The following FUZ variants were observed in gnomAD, a reference collection of about 807,000 sequenced individuals.
The protein encoded by FUZ is protein fuzzy homolog.
FUZ carries 31 observed loss-of-function variants against 43.1 expected under a neutral mutation model. The ratio of observed to expected loss-of-function variants is 0.72; its 90% confidence interval spans 0.54 to 0.97. The LOEUF (loss-of-function observed/expected upper bound fraction) is 0.97. Ranked by LOEUF, FUZ falls within the 50% of genes least tolerant of loss-of-function variation. FUZ has a pLI of 0.00. For missense variants in FUZ, 539 were observed against 543.8 expected, an observed-to-expected ratio of 0.99 and a Z score of 0.09; for synonymous variants, 274 against 250.0, an observed-to-expected ratio of 1.10 and a Z score of -0.91.
rs760459608 is a variant in FUZ at position 49,808,583 on chromosome 19, C to T, written c.949G>A (p.Gly317Arg). The change falls in exon 9 of 11, where the codon GGG (glycine) becomes AGG (arginine). Residue 317 changes from glycine (G) to arginine (R), a missense_variant. Gly to Arg is a moderately radical substitution (Grantham distance 125). Transcript: ENST00000313777. ...KRCLFTVEPL[G>R]DKEPSPEQRR... ...CCCTGTCCTCAGTCACCTTTATCCC[C>T]CAAGGGCTCCACGGTGAAGAGGCAG... 3.1e-6 allele frequency: 5 copies of T among 1,610,402 alleles called. No individual in the cohort carries two copies. Among genetic ancestry groups the T allele is most frequent in the Non-Finnish European group, 4.2e-6 (5 of 1,178,426 alleles).
In FUZ at chr19:49,809,499, G is replaced by T. The variant is rs778784944; in HGVS notation, c.569C>A (p.Ala190Glu). ...CCCCAGCCGCCACCAACCCTCTGTT[G>T]CTGCCACCACCCGGCCGGACACCAC... ...SLVVSGRVVA[A>E]TEGWWRLGTP... Residue 190 changes from alanine to glutamate, a missense_variant, in exon 6 of 11, where the codon GCA becomes GAA. Physicochemically the swap from Ala to Glu is moderately radical, Grantham distance 107. Coordinates refer to ENST00000313777, the MANE Select transcript of FUZ (RefSeq NM_025129.5). The surrounding 1 kb of genome is among the most constrained non-coding windows in gnomAD (Gnocchi z 5.1). The T allele has an allele frequency of 6.3e-7, 1 of 1,593,444 alleles. No homozygotes were observed. Among genetic ancestry groups the T allele is most frequent in the Non-Finnish European group, 8.5e-7 (1 of 1,173,792 alleles).
Position 49,809,583 on chromosome 19 carries a change from C to T in FUZ, c.493-8G>A, listed in dbSNP as rs1403023949. The stretch of plus-strand genomic sequence containing the variant: ...GAACCCGGAGAGGGCTTCCTGGGTA[C>T]GGGAGGCAGGAGGACTGGGAGTCAG... On this transcript the variant is annotated splice_polypyrimidine_tract_variant and splice_region_variant and intron_variant, in intron 5 of 10. Coordinates refer to ENST00000313777, the MANE Select transcript of FUZ (RefSeq NM_025129.5). The surrounding 1 kb of genome is among the most constrained non-coding windows in gnomAD (Gnocchi z 5.1). 3.2e-6 allele frequency: 5 copies of T among 1,586,660 alleles called. No individual in the cohort carries two copies. The highest frequency in any genetic ancestry group is 2.7e-5 in the African/African-American group (2 of 74,610).
Position 49,812,979 on chromosome 19 carries a change from G to A in FUZ, c.111+17C>T. 1 of 1,545,006 alleles carries A rather than the reference G, an allele frequency of 6.5e-7. No individual in the cohort carries two copies. The highest frequency in any genetic ancestry group is 8.8e-7 in the Non-Finnish European group (1 of 1,141,512). On this transcript the variant is annotated intron_variant, in intron 1 of 10. Transcript: ENST00000313777. ...CCGAACCCCCTTCGGTTTAGATACAGGCGTCCAAGGCCCCACCTGCTGACG... is the reference window on the plus strand; with the variant it reads ...CCGAACCCCCTTCGGTTTAGATACAAGCGTCCAAGGCCCCACCTGCTGACG...
At chr19:49,812,555 C>G in intron 2 of FUZ, 60 bp downstream of exon 2, 1 of 1,611,496 alleles carries the variant, frequency 6.2e-7, no homozygotes, top group Non-Finnish European at 8.5e-7. Flanking sequence ...CCTCCGGGGT[C>G]ATCTTCAACA....
chr19:49,812,967 G>C, intron 1 of FUZ, 29 bp downstream of exon 1: 1 of 1,534,244 alleles, frequency 6.5e-7, no homozygotes, highest in Non-Finnish European at 8.8e-7. Flanking sequence ...AACCCCCTTC[G>C]GTTTAGATAC....
At position 49,809,292 on chromosome 19, in the gene FUZ, C is replaced by G; in HGVS notation, c.691-34G>C. On this transcript the variant is annotated intron_variant, in intron 6 of 10. Coordinates refer to ENST00000313777, the MANE Select transcript of FUZ (RefSeq NM_025129.5). This position sits in a 1 kb window ranked among gnomAD's most constrained non-coding sequence, Gnocchi z 5.1. ...GGGCACAGGCTGGGGCTCATCGCGG[C>G]CCGGCCCCTTTCCATCGCAGATCCC... 6.5e-7 allele frequency: 1 copy of G among 1,549,622 alleles called. No individual in the cohort carries two copies. Among genetic ancestry groups the G allele is most frequent in the South Asian group, 1.2e-5 (1 of 84,046 alleles).
rs1439910087 is a variant in FUZ at position 49,807,078 on chromosome 19, G to C, written c.*73C>G. On this transcript the variant is annotated 3_prime_UTR_variant, in exon 11 of 11. Coordinates refer to ENST00000313777, the MANE Select transcript of FUZ (RefSeq NM_025129.5). ...TACCCCCTCCCCATCCAGGGGCTGT[G>C]TATTATTGTGAGCGAATAAACAGAG... 71 of 1,597,450 alleles carry C rather than the reference G, an allele frequency of 4.4e-5. No individual in the cohort carries two copies. The highest frequency in any genetic ancestry group is 6.0e-5 in the Non-Finnish European group (70 of 1,175,488).
Position 49,809,565 on chromosome 19 carries a change from G to C in FUZ, c.503C>G (p.Ser168Cys). The part of the protein sequence containing the change: ...PEGSLLQEAL[S>C]GFAEAAGTTF... ...CGTGCCCGCGGCCTCAGCGAACCCG[G>C]AGAGGGCTTCCTGGGTACGGGAGGC... Residue 168 changes from serine (S) to cysteine (C), a missense_variant, in exon 6 of 11, where the codon TCC becomes TGC. Physicochemically the swap from Ser to Cys is moderately radical, Grantham distance 112 (BLOSUM62 -1). Transcript: ENST00000313777. The surrounding 1 kb of genome is among the most constrained non-coding windows in gnomAD (Gnocchi z 5.1). 6.3e-7 allele frequency: 1 copy of C among 1,597,078 alleles called. No homozygotes were observed. The highest frequency in any genetic ancestry group is 8.5e-7 in the Non-Finnish European group (1 of 1,176,370).
Position 49,809,209 on chromosome 19 carries a change from C to T in FUZ, c.740G>A (p.Cys247Tyr). ...GGGTGGGCTCGGCCCGCAGAGTAGA[C>T]ACAGCTCCAGGCTCGGCAGCAGAGT... ...TLTLLPSLELCLLCGPSPPLS... is the reference protein window; with the variant it reads ...TLTLLPSLELYLLCGPSPPLS... Residue 247 changes from cysteine (C) to tyrosine (Y), a missense_variant, in exon 7 of 11, where the codon TGT (cysteine) becomes TAT (tyrosine). By Grantham distance (194) the Cys-to-Tyr change is radical. Coordinates refer to ENST00000313777, the MANE Select transcript of FUZ (RefSeq NM_025129.5). The surrounding 1 kb of genome is among the most constrained non-coding windows in gnomAD (Gnocchi z 5.1). 6.4e-7 allele frequency: 1 copy of T among 1,551,394 alleles called. No individual in the cohort carries two copies. Among genetic ancestry groups the T allele is most frequent in the Non-Finnish European group, 8.7e-7 (1 of 1,147,092 alleles).
At chr19:49,808,986 G>A in intron 7 of FUZ, 163 bp from the exon 8 acceptor site, 1 of 870,228 alleles carries the variant, frequency 1.1e-6, no homozygotes, top group South Asian at 1.4e-5. Context: ...GGCGAGGCCT[G>A]GAAGAATAGA....
Position 49,809,822 on chromosome 19 carries a change from G to C in FUZ, c.493-247C>G. ...ATCTAGCCTGGGCGGGCAAACTGAA[G>C]CTAATAATGTAACCGCAGCAGCTAC... On this transcript the variant is annotated intron_variant, in intron 5 of 10. Transcript: ENST00000313777. The surrounding 1 kb of genome is among the most constrained non-coding windows in gnomAD (Gnocchi z 5.1). The C allele has an allele frequency of 1.7e-6, 1 of 585,614 alleles. No homozygotes were observed. 36.3% of individuals were successfully genotyped at this position (585,614 alleles called of 1,614,324 possible). A position where few individuals can be genotyped will look rare whatever the true frequency, so the allele number is the denominator to read the frequency against.
rs1600300219 is a variant in FUZ at position 49,812,905 on chromosome 19, A to G, written c.111+91T>C. On this transcript the variant is annotated intron_variant, in intron 1 of 10. Transcript: ENST00000313777. ...GCCTCCTCGGTCCTACAAATTCAAC[A>G]CTGAAACTTCCCCAGCCCCTACTGC... 4 of 1,367,958 alleles carry G rather than the reference A, an allele frequency of 2.9e-6. No homozygotes were observed. The East Asian group carries it at 9.9e-5, about 34-fold the overall frequency. 84.7% of individuals were successfully genotyped at this position (1,367,958 alleles called of 1,614,324 possible).
intron 10 of FUZ, 24 bp downstream of exon 10, chr19:49,808,390 G>A (rs1403709086): frequency 1.2e-6 from 2 of 1,606,446 alleles, no homozygotes; most frequent in Non-Finnish European, 1.7e-6. Flanking sequence ...CCTGCGCAGT[G>A]GGAGCACTGT....
Position 49,807,140 on chromosome 19 carries a change from C to T in FUZ, c.*11G>A. On this transcript the variant is annotated 3_prime_UTR_variant, in exon 11 of 11. Coordinates refer to ENST00000313777, the MANE Select transcript of FUZ (RefSeq NM_025129.5). Reference sequence around the variant, plus strand: ...GCCCCATGTCTGTGTCCATCACCCACTGCTAGGTAGTCAAAGAAGTGGGGT... The same window carrying T: ...GCCCCATGTCTGTGTCCATCACCCATTGCTAGGTAGTCAAAGAAGTGGGGT... The T allele has an allele frequency of 1.2e-6, 2 of 1,612,638 alleles. No individual in the cohort carries two copies. Among genetic ancestry groups the T allele is most frequent in the Non-Finnish European group, 1.7e-6 (2 of 1,179,710 alleles).
chr19:49,812,801 G>C (rs2073854698), intron 1 of FUZ, 65 bp from the exon 2 acceptor site: 1 of 1,592,304 alleles, frequency 6.3e-7, no homozygotes, highest in Admixed American at 1.7e-5. Flanking sequence ...TAGGACCCAA[G>C]TGTGCCAGCT....
Position 49,813,154 on chromosome 19 carries a change from C to T in FUZ, c.-48G>A. 1 of 1,468,096 alleles carries T rather than the reference C, an allele frequency of 6.8e-7. No homozygotes were observed. Among genetic ancestry groups the T allele is most frequent in the Non-Finnish European group, 9.3e-7 (1 of 1,071,770 alleles). 90.9% of individuals were successfully genotyped at this position (1,468,096 alleles called of 1,614,324 possible). A position where few individuals can be genotyped will look rare whatever the true frequency, so the allele number is the denominator to read the frequency against. ...TCACGTGGGGACTGTCAGTGCGGGT[C>T]TTGGAGCATGGCGGTAATCAGAGTA... is the stretch of plus-strand genomic sequence containing the variant. On this transcript the variant is annotated 5_prime_UTR_variant, in exon 1 of 11. Coordinates refer to ENST00000313777, the MANE Select transcript of FUZ (RefSeq NM_025129.5).
Position 49,809,636 on chromosome 19 carries a change from T to C in FUZ, c.493-61A>G. 1 of 1,505,642 alleles carries C rather than the reference T, an allele frequency of 6.6e-7. No homozygotes were observed. The highest frequency in any genetic ancestry group is 1.2e-5 in the South Asian group (1 of 83,498). The allele number at this position is 1,505,642 out of a possible 1,614,324, so 93.3% of individuals were successfully genotyped here. On this transcript the variant is annotated intron_variant, in intron 5 of 10. Transcript: ENST00000313777. The surrounding 1 kb of genome is among the most constrained non-coding windows in gnomAD (Gnocchi z 5.1). ...GACAAGCGTAGGGGGTGGCAGCGAC[T>C]TCCCAGATGGGCAGGGAATGGGGAG...
chr19:49,809,030 G>T lies in FUZ; in HGVS notation c.786+133C>A. The T allele has an allele frequency of 1.0e-6, 1 of 982,468 alleles. No homozygotes were observed. Among genetic ancestry groups the T allele is most frequent in the Non-Finnish European group, 1.6e-6 (1 of 635,812 alleles). The allele number at this position is 982,468 out of a possible 1,614,324, so 60.9% of individuals were successfully genotyped here. ...CGGGAGCGGCCGATCTTGGCGGGTA[G>T]GTGAATGACTGGAGCGCAGTCCAGA... On this transcript the variant is annotated intron_variant, in intron 7 of 10. Transcript: ENST00000313777. The surrounding 1 kb of genome is among the most constrained non-coding windows in gnomAD (Gnocchi z 5.1).
chr19:49,807,624 G>A (rs539361444), intron 10 of FUZ, among the ~76,000 whole-genome samples: 88 of 152,276 alleles, frequency 5.8e-4, no homozygotes, highest in Admixed American at 4.5e-3. Flanking sequence ...CTGTGCAGCT[G>A]CAGGTGATCC....
Sources: gnomAD v4.1 joint callset for allele counts (sites outside exome capture counted in the v4.1 genomes callset) on GRCh38, gnomAD v4.1.1 for gene constraint, Gnocchi (gnomAD v3.1) non-coding constraint, MANE v1.5 for transcripts, NCBI Gene and HGNC (gene_info 2026-07-23, HGNC 2026-07-21) for gene names.